SPECC1: variants seen among roughly 807,000 people sequenced by gnomAD.
SPECC1 encodes cytospin-B.
In SPECC1, 62 loss-of-function variants were observed where a neutral mutation model predicts 104.1. The ratio of observed to expected loss-of-function variants is 0.60; its 90% CI spans 0.49 to 0.74. SPECC1 has a LOEUF of 0.74. Ranked by LOEUF, SPECC1 falls within the 30% of genes least tolerant of loss-of-function variation. SPECC1 has a pLI of 0.00. For synonymous variants in SPECC1, 513 were observed against 501.6 expected (o/e 1.02, Z -0.30); for missense variants, 1,306 against 1,310.5 (o/e 1.00, Z 0.05).
At chr17:20,017,494 C>T (rs934526170) in intron 1 of SPECC1, 3 of 153,270 alleles carry the variant, frequency 2.0e-5, no homozygotes, top group Non-Finnish European at 4.4e-5. Context: ...AACTGTTACG[C>T]TCACCGCGAG....
rs34220423 is a variant in SPECC1, at chr17:20,222,016, G to GTTT, written c.1864-5382_1864-5380dup. On this transcript the variant is annotated intron_variant, in intron 4 of 14. Coordinates refer to ENST00000395527, the MANE Select transcript of SPECC1 (RefSeq NM_001243439.2). ...AGAGAAGATACCTGATATGATTTCA[G>GTTT]TTTTTTTTTTTTTTTTTAAGTTTTA... 7.8e-4 allele frequency among the ~76,000 whole-genome samples: 109 copies of GTTT among 140,470 alleles called. 1 individual carries two copies. Among genetic ancestry groups the GTTT allele is most frequent in the African/African-American group, 2.5e-3 (95 of 38,194 alleles). 92.2% of individuals were successfully genotyped at this position (140,470 alleles called of 152,430 possible). A position where few individuals can be genotyped will look rare whatever the true frequency, so the allele number is the denominator to read the frequency against.
At chr17:20,267,334 C>T (rs2040249858) in intron 12 of SPECC1, among the ~76,000 whole-genome samples, 1 of 152,154 alleles carries the variant, frequency 6.6e-6, no homozygotes, top group African/African-American at 2.4e-5. Context: ...ATCTGAAAGT[C>T]TAGTTTAAGC....
chr17:20,143,668 CA>C (rs370418940), intron 3 of SPECC1, among the ~76,000 whole-genome samples: 2 of 144,216 alleles, frequency 1.4e-5, no homozygotes, highest in East Asian at 2.0e-4. Context: ...GACTCTGTCT[CA>C]AAAAAAAAAC....
chr17:20,307,221 G>A (rs76348384), intron 14 of SPECC1, among the ~76,000 whole-genome samples: 4,187 of 152,230 alleles, frequency 0.028, 181 homozygotes, highest in African/African-American at 0.094. Flanking sequence ...TCAAGAAATG[G>A]AAAACCCAAC....
chr17:20,066,751 G>GT (rs1555600516), intron 1 of SPECC1, among the ~76,000 whole-genome samples: 2,155 of 151,054 alleles, frequency 0.014, 60 homozygotes, highest in African/African-American at 0.049. Flanking sequence ...TGCTTAAGTA[G>GT]TTTTTTTTTT....
chr17:20,120,412 A>T (rs2048971699), intron 3 of SPECC1, among the ~76,000 whole-genome samples: 3 of 152,154 alleles, frequency 2.0e-5, no homozygotes. Flanking sequence ...TGATACAAAG[A>T]TGGAAATTAT....
At chr17:20,106,627 G>A (rs752641921) in intron 2 of SPECC1, among the ~76,000 whole-genome samples, 1 of 152,132 alleles carries the variant, frequency 6.6e-6, no homozygotes, top group Non-Finnish European at 1.5e-5. Context: ...TTTTATAAAG[G>A]GGAGTTCCCC....
At position 20,318,014 on chromosome 17, in the gene SPECC1, AT is replaced by A; in HGVS notation, c.*3955del. On this transcript the variant is annotated 3_prime_UTR_variant, in exon 15 of 15. Transcript: ENST00000395527. ...GGCAGGAAAACAAGGTCAGCATCTT[AT>A]TTTTTCTATACTCAGCAGAGTGTGC... 4.4e-6 allele frequency: 1 copy of A among 228,534 alleles called. No individual in the cohort carries two copies. The highest frequency in any genetic ancestry group is 8.6e-6 in the Non-Finnish European group (1 of 116,114). The allele number at this position is 228,534 out of a possible 1,614,324, so 14.2% of individuals were successfully genotyped here. A position where few individuals can be genotyped will look rare whatever the true frequency, so the allele number is the denominator to read the frequency against.
At chr17:20,182,075 T>TAA (rs1323318777) in intron 3 of SPECC1, among the ~76,000 whole-genome samples, 1 of 151,988 alleles carries the variant, frequency 6.6e-6, no homozygotes, top group East Asian at 1.9e-4. Flanking sequence ...AATAACGAAG[T>TAA]AATACTTCAG....
intron 3 of SPECC1, among the ~76,000 whole-genome samples, chr17:20,138,968 T>C (rs1208219696): frequency 6.6e-6 from 1 of 152,222 alleles, no homozygotes; most frequent in Non-Finnish European, 1.5e-5. Flanking sequence ...AGATTTTGAC[T>C]AATAGATGAA....
In SPECC1 at chr17:20,131,291, A is replaced by G. The variant is rs1015775594; in HGVS notation, c.283+20729A>G. 5.9e-5 allele frequency among the ~76,000 whole-genome samples: 9 copies of G among 151,982 alleles called. No individual in the cohort carries two copies. In the South Asian group the frequency reaches 1.0e-3, roughly 18 times the overall value. On this transcript the variant is annotated intron_variant, in intron 3 of 14. Coordinates refer to ENST00000395527, the MANE Select transcript of SPECC1 (RefSeq NM_001243439.2). ...ACTGCAACCTCTGCCTCCCAGATTC[A>G]AGTGATTCTCCTGCCTTAGCCTCCT...
At chr17:20,283,442 A>G (rs1184719847) in intron 12 of SPECC1, among the ~76,000 whole-genome samples, 1 of 152,178 alleles carries the variant, frequency 6.6e-6, no homozygotes, top group Non-Finnish European at 1.5e-5. Context: ...AAATGTCTTT[A>G]ATTTTTGCCA....
intron 3 of SPECC1, among the ~76,000 whole-genome samples, chr17:20,114,488 C>G (rs1051392423): frequency 6.6e-6 from 1 of 151,050 alleles, no homozygotes; most frequent in African/African-American, 2.5e-5. Context: ...TGGCGCCCAG[C>G]CTGTTTTTTT....
At chr17:20,271,013 C>T (rs2040389343) in intron 12 of SPECC1, among the ~76,000 whole-genome samples, 1 of 152,118 alleles carries the variant, frequency 6.6e-6, no homozygotes, top group Non-Finnish European at 1.5e-5. Context: ...AGTTGCTTTG[C>T]TTGCTTTTCT....
At chr17:20,222,545 CTGT>C (rs1355706993) in intron 4 of SPECC1, among the ~76,000 whole-genome samples, 4 of 152,070 alleles carry the variant, frequency 2.6e-5, no homozygotes, top group Non-Finnish European at 5.9e-5. Flanking sequence ...TTGTTGTTGT[CTGT>C]TGTTTCTATT....
chr17:20,287,041 C>A (rs2040971992), intron 12 of SPECC1, among the ~76,000 whole-genome samples: 1 of 152,252 alleles, frequency 6.6e-6, no homozygotes. Context: ...CCCCTGCCTC[C>A]CCTGGGCTCT....
chr17:20,097,816 G>A (rs926014160), intron 2 of SPECC1, among the ~76,000 whole-genome samples: 6 of 152,196 alleles, frequency 3.9e-5, no homozygotes, highest in African/African-American at 7.2e-5. Context: ...CAGTGCCTGC[G>A]GAATATGTGG....
chr17:20,066,311 A>G lies in SPECC1; in HGVS notation c.-21-30320A>G, dbSNP rs148165358. On this transcript the variant is annotated intron_variant, in intron 1 of 14. Coordinates refer to ENST00000395527, the MANE Select transcript of SPECC1 (RefSeq NM_001243439.2). ...CTTTGCCTTTCTCCTAGTTATTTTT[A>G]GGGTTGATAAATTTGTTTTCCAAGA... is the stretch of plus-strand genomic sequence containing the variant. Among the ~76,000 whole-genome samples, 219 of 152,274 alleles carry G rather than the reference A, an allele frequency of 1.4e-3. 3 individuals are homozygous for G. The highest frequency in any genetic ancestry group is 0.01 in the Middle Eastern group (3 of 292).
intron 1 of SPECC1, among the ~76,000 whole-genome samples, chr17:20,064,235 C>T (rs1299024092): frequency 6.6e-6 from 1 of 152,074 alleles, no homozygotes; most frequent in African/African-American, 2.4e-5. Context: ...CAGCTGGGGG[C>T]CAGAGAAGGG....
Sources: allele counts gnomAD v4.1 joint callset (sites outside exome capture counted in the v4.1 genomes callset), GRCh38; gene constraint gnomAD v4.1.1; transcripts MANE v1.5; gene names NCBI Gene and HGNC (gene_info 2026-07-23, HGNC 2026-07-21).